Variants in SPRED2 observed in about 807,000 individuals in gnomAD.
SPRED2 encodes sprouty related EVH1 domain containing 2, also known as sprouty-related, EVH1 domain-containing protein 2.
A neutral mutation model predicts 43.0 loss-of-function variants in SPRED2; 47 were observed. That is an observed-to-expected ratio of 1.09 (90% CI 0.87 to 1.40). The LOEUF is 1.40. Among genes scored for constraint, SPRED2 ranks in the 40% most tolerant of loss-of-function variants. The pLI is 0.00. For missense variants in SPRED2, 561 were observed against 586.4 expected (o/e 0.96, Z 0.45); for synonymous variants, 225 against 225.7 (o/e 1.00, Z 0.03).
Position 65,312,466 on chromosome 2 carries a change from C to T in SPRED2, c.*1035G>A, listed in dbSNP as rs555573517. ...ATAGCCAGGGGTTGGGGGGAAGAAG[C>T]TCCCTATGGTTTTATTCACCATAAC... On this transcript the variant is annotated 3_prime_UTR_variant, in exon 6 of 6. Coordinates refer to ENST00000356388, the MANE Select transcript of SPRED2 (RefSeq NM_181784.3). 66 of 985,392 alleles carry T rather than the reference C, an allele frequency of 6.7e-5. No homozygotes were observed. In the African/African-American group the frequency reaches 8.0e-4, roughly 12 times the overall value. The allele number at this position is 985,392 out of a possible 1,614,324, so 61.0% of individuals were successfully genotyped here. A position where few individuals can be genotyped will look rare whatever the true frequency, so the allele number is the denominator to read the frequency against.
intron 1 of SPRED2, among the ~76,000 whole-genome samples, chr2:65,420,609 A>G (rs1676400513): frequency 6.6e-6 from 1 of 152,246 alleles, no homozygotes; most frequent in Admixed American, 6.5e-5. Context: ...CCAATTAAGG[A>G]AACTATTATG....
chr2:65,354,418 C>T (rs2104295536), intron 1 of SPRED2, among the ~76,000 whole-genome samples: 1 of 152,264 alleles, frequency 6.6e-6, no homozygotes, highest in Non-Finnish European at 1.5e-5. Flanking sequence ...TTACATTAGA[C>T]TCACTGCATT....
In SPRED2 at chr2:65,313,841, C is replaced by G; in HGVS notation, c.917G>C (p.Arg306Pro). The change falls in exon 6 of 6, where the codon CGC becomes CCC. Residue 306 changes from arginine to proline, a missense_variant. Arg to Pro is a moderately radical substitution (Grantham distance 103). Around this residue, in one of 6 missense-constraint regions of SPRED2, gnomAD observed 164 missense variants for 164.1 expected, o/e 1.00. Transcript: ENST00000356388. ...GTCCCTGCAGTACACGCACCGCGAG[C>G]GCTCTCCGTCCTCCTTCCGCCGCCG... ...KSRRRKEDGE[R>P]SRCVYCRDMF... The G allele has an allele frequency of 6.2e-7, 1 of 1,612,128 alleles. No individual in the cohort carries two copies.
chr2:65,319,818 T>C (rs1213074502), intron 4 of SPRED2, among the ~76,000 whole-genome samples: 2 of 152,110 alleles, frequency 1.3e-5, no homozygotes, highest in East Asian at 1.9e-4. Context: ...ACTAAGGGAC[T>C]CTGAGAGATG....
chr2:65,334,254 C>G (rs1369274603), intron 3 of SPRED2: 4 of 476,010 alleles, frequency 8.4e-6, no homozygotes, highest in East Asian at 6.8e-5. Flanking sequence ...CGCCAGAATC[C>G]ATTCTCTACT....
At chr2:65,430,842 CAAT>C (rs1440109597) in intron 1 of SPRED2, among the ~76,000 whole-genome samples, 1 of 150,600 alleles carries the variant, frequency 6.6e-6, no homozygotes, top group Non-Finnish European at 1.5e-5. Context: ...TATCATGTGA[CAAT>C]AAAGGAGCGC....
intron 1 of SPRED2, among the ~76,000 whole-genome samples, chr2:65,429,753 C>T (rs1676633813): frequency 6.6e-6 from 1 of 152,150 alleles, no homozygotes; most frequent in South Asian, 2.1e-4. Context: ...AAGCCCATTT[C>T]TTCAGTGGCT....
intron 4 of SPRED2, among the ~76,000 whole-genome samples, chr2:65,325,018 C>T (rs1164173231): frequency 6.6e-6 from 1 of 152,166 alleles, no homozygotes; most frequent in African/African-American, 2.4e-5. Context: ...GCTGTTTTCT[C>T]AAGGACACTT....
At chr2:65,423,085 G>A (rs1327983090) in intron 1 of SPRED2, among the ~76,000 whole-genome samples, 1 of 152,212 alleles carries the variant, frequency 6.6e-6, no homozygotes, top group African/African-American at 2.4e-5. Flanking sequence ...CACTATGTCT[G>A]TATTCCCACT....
intron 1 of SPRED2, among the ~76,000 whole-genome samples, chr2:65,390,327 G>A (rs1675602253): frequency 1.3e-5 from 2 of 152,148 alleles, no homozygotes; most frequent in East Asian, 1.9e-4. Context: ...TCCCCGCCCC[G>A]GCTCCCTCCC....
At chr2:65,397,313 G>A (rs979462451) in intron 1 of SPRED2, among the ~76,000 whole-genome samples, 1 of 152,114 alleles carries the variant, frequency 6.6e-6, no homozygotes, top group Non-Finnish European at 1.5e-5. Flanking sequence ...CACAGACAGC[G>A]CCAAGTAATA....
intron 1 of SPRED2, among the ~76,000 whole-genome samples, chr2:65,410,207 A>C (rs891280390): frequency 6.6e-6 from 1 of 152,018 alleles, no homozygotes; most frequent in Non-Finnish European, 1.5e-5. Flanking sequence ...ACTGCACTGC[A>C]GCCTGGATGA....
Position 65,431,963 on chromosome 2 carries a change from C to A in SPRED2, c.25G>T (p.Asp9Tyr), listed in dbSNP as rs1166923137. The A allele has an allele frequency of 6.2e-7, 1 of 1,613,848 alleles. No individual in the cohort carries two copies. The change falls in exon 1 of 6, where the codon GAT (aspartate) becomes TAT (tyrosine). Residue 9 changes from aspartate (D) to tyrosine (Y), a missense_variant and splice_region_variant. By Grantham distance (160) the Asp-to-Tyr change is radical (BLOSUM62 -3). Coordinates refer to ENST00000356388, the MANE Select transcript of SPRED2 (RefSeq NM_181784.3). Reference sequence around the variant, plus strand: ...GTCCCACCCCGCGACCAAACTTACTCGTCTGGGTGTGTTTCTTCGGTCATT... The same window carrying A: ...GTCCCACCCCGCGACCAAACTTACTAGTCTGGGTGTGTTTCTTCGGTCATT... MTEETHPD[D>Y]DSYIVRVKAV...
chr2:65,338,949 CG>C (rs1674078105), intron 2 of SPRED2, among the ~76,000 whole-genome samples: 1 of 152,084 alleles, frequency 6.6e-6, no homozygotes, highest in South Asian at 2.1e-4. Flanking sequence ...TCTGCCCCGC[CG>C]CCCCGTCCGG....
chr2:65,427,550 C>T (rs531203342), intron 1 of SPRED2, among the ~76,000 whole-genome samples: 1 of 152,312 alleles, frequency 6.6e-6, no homozygotes, highest in South Asian at 2.1e-4. Flanking sequence ...TAACATAGAT[C>T]TAACATTCCA....
At position 65,344,877 on chromosome 2, in the gene SPRED2, C is replaced by T. The variant is rs1211660624; in HGVS notation, c.46G>A (p.Val16Ile). ...TCTCTGGTCATAACCACAGCCTTGACACGCACAATATAGCTGTCACTAAAA... is the reference window on the plus strand; with the variant it reads ...TCTCTGGTCATAACCACAGCCTTGATACGCACAATATAGCTGTCACTAAAA... ...HPDDDSYIVR[V>I]KAVVMTRDDS... The change falls in exon 2 of 6, where the codon GTC (valine) becomes ATC (isoleucine). Residue 16 changes from valine (V) to isoleucine (I), a missense_variant. Physicochemically the swap from Val to Ile is conservative, Grantham distance 29. Coordinates refer to ENST00000356388, the MANE Select transcript of SPRED2 (RefSeq NM_181784.3). 6.2e-7 allele frequency: 1 copy of T among 1,614,002 alleles called. No homozygotes were observed. The highest frequency in any genetic ancestry group is 8.5e-7 in the Non-Finnish European group (1 of 1,180,036).
intron 1 of SPRED2, among the ~76,000 whole-genome samples, chr2:65,399,715 C>T (rs1244216377): frequency 6.6e-6 from 1 of 152,064 alleles, no homozygotes; most frequent in East Asian, 1.9e-4. Flanking sequence ...TGAAGTAACT[C>T]AGGAATGGAA....
At chr2:65,339,138 C>CTGG (rs1674099492) in intron 2 of SPRED2, among the ~76,000 whole-genome samples, 1 of 133,182 alleles carries the variant, frequency 7.5e-6, no homozygotes, top group Non-Finnish European at 1.6e-5. Flanking sequence ...GCCGCCCGGT[C>CTGG]CAGGAGCTGA....
chr2:65,364,266 G>A lies in SPRED2; in HGVS notation c.27-19370C>T, dbSNP rs1442399858. 2.0e-5 allele frequency among the ~76,000 whole-genome samples: 3 copies of A among 152,206 alleles called. No homozygotes were observed. In the East Asian group the frequency reaches 5.8e-4, roughly 29 times the overall value. On this transcript the variant is annotated intron_variant, in intron 1 of 5. Coordinates refer to ENST00000356388, the MANE Select transcript of SPRED2 (RefSeq NM_181784.3). ...CCAATAACAATGAATCCCCACTAGG[G>A]CGGGAATTAAGAGAAGAACCGGACT...
Sources: gnomAD v4.1 joint callset for allele counts (sites outside exome capture counted in the v4.1 genomes callset) on GRCh38, gnomAD v4.1.1 for gene constraint, gnomAD v4.1.1 regional missense constraint, MANE v1.5 for transcripts, NCBI Gene and HGNC (gene_info 2026-07-23, HGNC 2026-07-21) for gene names.